ZNF804B: variants seen among roughly 807,000 people sequenced by gnomAD.
The protein encoded by ZNF804B is zinc finger protein 804B.
Under a neutral mutation model 101.4 loss-of-function variants are expected in ZNF804B, and 80 were observed. The ratio of observed to expected loss-of-function variants is 0.79; its 90% CI spans 0.66 to 0.95. The LOEUF (loss-of-function observed/expected upper bound fraction) is 0.95. Ranked by LOEUF, ZNF804B falls within the 40% of genes least tolerant of loss-of-function variation. The pLI is 0.00. For synonymous variants in ZNF804B, 622 were observed against 558.8 expected, an observed-to-expected ratio of 1.11 and a Z score of -1.59; for missense variants, 1,673 against 1,561.9, an observed-to-expected ratio of 1.07 and a Z score of -1.20.
chr7:88,901,845 T>C (rs921553783), intron 1 of ZNF804B, among the ~76,000 whole-genome samples: 1 of 151,908 alleles, frequency 6.6e-6, no homozygotes, highest in Non-Finnish European at 1.5e-5. Flanking sequence ...CTTAGAGATA[T>C]GTTTTCTTTT....
rs56207142 is a variant in ZNF804B at position 89,007,556 on chromosome 7, T to G, written c.109-210599T>G. On this transcript the variant is annotated intron_variant, in intron 1 of 3. Transcript: ENST00000333190. Reference sequence around the variant, plus strand: ...TATTATAATTATATATAATATATATTTATCTATTATAATTATATATAATAT... The same window carrying G: ...TATTATAATTATATATAATATATATGTATCTATTATAATTATATATAATAT... Among the ~76,000 whole-genome samples the G allele has an allele frequency of 2.5e-4, 28 of 112,640 alleles. No homozygotes were observed. The South Asian group carries it at 6.8e-3, about 27-fold the overall frequency. 73.9% of individuals were successfully genotyped at this position (112,640 alleles called of 152,430 possible).
chr7:89,263,812 A>AG (rs1789744669), intron 2 of ZNF804B, among the ~76,000 whole-genome samples: 1 of 152,166 alleles, frequency 6.6e-6, no homozygotes, highest in African/African-American at 2.4e-5. Flanking sequence ...TGGAAGAGGC[A>AG]GGGAGGGATT....
chr7:88,885,997 C>A (rs554547502), intron 1 of ZNF804B, among the ~76,000 whole-genome samples: 11 of 151,940 alleles, frequency 7.2e-5, no homozygotes, highest in Non-Finnish European at 1.5e-4. Flanking sequence ...GCTTTTGTAT[C>A]TATCTGTTCT....
At chr7:88,870,108 C>T (rs765463473) in intron 1 of ZNF804B, among the ~76,000 whole-genome samples, 12 of 151,256 alleles carry the variant, frequency 7.9e-5, no homozygotes, top group East Asian at 2.0e-4. Context: ...GTGATTGGGC[C>T]GGGCGCGGTG....
At chr7:89,208,672 C>T (rs989630804) in intron 1 of ZNF804B, among the ~76,000 whole-genome samples, 2 of 152,054 alleles carry the variant, frequency 1.3e-5, no homozygotes, top group African/African-American at 2.4e-5. Context: ...TGGTGGCCAA[C>T]GTTGATAACT....
intron 1 of ZNF804B, among the ~76,000 whole-genome samples, chr7:88,987,517 T>A (rs1793775141): frequency 6.6e-6 from 1 of 152,158 alleles, no homozygotes; most frequent in Admixed American, 6.6e-5. Context: ...GAACTTAAAG[T>A]ACTTTAATTT....
chr7:89,124,775 C>T (rs544111527), intron 1 of ZNF804B, among the ~76,000 whole-genome samples: 3 of 152,128 alleles, frequency 2.0e-5, no homozygotes, highest in South Asian at 2.1e-4. Flanking sequence ...TGGCCAAATG[C>T]AGTAGAGGAT....
At chr7:88,807,264 A>G (rs189814943) in intron 1 of ZNF804B, among the ~76,000 whole-genome samples, 1 of 152,308 alleles carries the variant, frequency 6.6e-6, no homozygotes, top group Admixed American at 6.5e-5. Context: ...TAATTTTACT[A>G]TTTAATAGTT....
chr7:89,239,490 TC>T, intron 2 of ZNF804B, among the ~76,000 whole-genome samples: 1 of 152,272 alleles, frequency 6.6e-6, no homozygotes, highest in Middle Eastern at 3.4e-3. Flanking sequence ...CTTCAACTTT[TC>T]TAAATCCAGC....
intron 1 of ZNF804B, among the ~76,000 whole-genome samples, chr7:88,779,506 C>T (rs764101491): frequency 1.2e-4 from 19 of 152,148 alleles, no homozygotes; most frequent in Non-Finnish European, 2.4e-4. Flanking sequence ...ATCAGAGTAA[C>T]ATGCAGGAAG....
intron 1 of ZNF804B, among the ~76,000 whole-genome samples, chr7:88,846,104 AAATTT>A (rs1359039235): frequency 3.3e-5 from 5 of 152,210 alleles, no homozygotes; most frequent in African/African-American, 1.2e-4. Flanking sequence ...ATTAAGTTGA[AAATTT>A]AATTTATTTA....
At chr7:89,164,151 A>G (rs754343278) in intron 1 of ZNF804B, among the ~76,000 whole-genome samples, 11 of 152,084 alleles carry the variant, frequency 7.2e-5, no homozygotes, top group Non-Finnish European at 1.5e-4. Context: ...ATTCTACTAT[A>G]GAATAACCTT....
intron 1 of ZNF804B, among the ~76,000 whole-genome samples, chr7:88,894,772 A>G (rs965639827): frequency 5.3e-5 from 8 of 152,306 alleles, no homozygotes; most frequent in African/African-American, 1.9e-4. Flanking sequence ...TATATACTGC[A>G]TTATTTTGAT....
At chr7:88,814,421 C>A (rs1221314792) in intron 1 of ZNF804B, among the ~76,000 whole-genome samples, 1 of 150,032 alleles carries the variant, frequency 6.7e-6, no homozygotes, top group Non-Finnish European at 1.5e-5. Context: ...CCATATGAAC[C>A]AATCACTGTC....
At chr7:88,777,103 C>T (rs1484626544) in intron 1 of ZNF804B, among the ~76,000 whole-genome samples, 4 of 152,124 alleles carry the variant, frequency 2.6e-5, no homozygotes, top group African/African-American at 4.8e-5. Flanking sequence ...GCTGAAACCA[C>T]CTGACCTTTG....
intron 1 of ZNF804B, among the ~76,000 whole-genome samples, chr7:88,997,796 G>T (rs756653305): frequency 6.6e-6 from 1 of 151,928 alleles, no homozygotes; most frequent in African/African-American, 2.4e-5. Context: ...CTCTCCTATC[G>T]CACCACTCAA....
intron 1 of ZNF804B, among the ~76,000 whole-genome samples, chr7:89,042,971 A>G (rs1691988690): frequency 1.3e-5 from 2 of 152,188 alleles, no homozygotes; most frequent in African/African-American, 4.8e-5. Flanking sequence ...CTTTTTTAAC[A>G]TACAATCTCA....
intron 1 of ZNF804B, among the ~76,000 whole-genome samples, chr7:88,884,807 A>C (rs942070973): frequency 2.6e-5 from 4 of 151,898 alleles, no homozygotes; most frequent in Admixed American, 6.6e-5. Context: ...ATCCTTATAT[A>C]GATAATTTTT....
rs532450988 is a variant in ZNF804B at position 89,157,474 on chromosome 7, TA to T, written c.109-60680del. On this transcript the variant is annotated intron_variant, in intron 1 of 3. Transcript: ENST00000333190. Reference sequence around the variant, plus strand: ...GTCATCTACCAATATAATGGCACATTATTTTTTTTCATCAAAATGATAAAGT... The same window carrying T: ...GTCATCTACCAATATAATGGCACATTTTTTTTTTCATCAAAATGATAAAGT... 2.8e-3 allele frequency among the ~76,000 whole-genome samples: 420 copies of T among 152,184 alleles called. 3 individuals carry two copies. The highest frequency in any genetic ancestry group is 0.02 in the Middle Eastern group (6 of 294).
Sources: allele counts gnomAD v4.1 joint callset (sites outside exome capture counted in the v4.1 genomes callset), GRCh38; gene constraint gnomAD v4.1.1; transcripts MANE v1.5; gene names NCBI Gene and HGNC (gene_info 2026-07-23, HGNC 2026-07-21).